Variants in ZPBP observed in about 807,000 individuals in gnomAD.
ZPBP encodes the protein zona pellucida-binding protein 1.
In ZPBP, 26 loss-of-function variants were observed where a neutral mutation model predicts 44.8. The ratio of observed to expected loss-of-function variants is 0.58; its 90% CI spans 0.43 to 0.81. The LOEUF (loss-of-function observed/expected upper bound fraction) is 0.81, where lower values mean the gene tolerates loss of function less well. Ranked by LOEUF, ZPBP falls within the 30% of genes least tolerant of loss-of-function variation. The probability of loss-of-function intolerance (pLI) is 0.00; values close to 1 mark genes in which losing one functional copy is unlikely to be tolerated. For missense variants in ZPBP, 409 were observed against 434.0 expected, an observed-to-expected ratio of 0.94 and a Z score of 0.51; for synonymous variants, 174 against 153.2, an observed-to-expected ratio of 1.14 and a Z score of -1.00.
intron 2 of ZPBP, among the ~76,000 whole-genome samples, chr7:49,871,285 C>T (rs896471076): frequency 1.6e-4 from 24 of 152,094 alleles, no homozygotes; most frequent in African/African-American, 5.6e-4. Flanking sequence ...TTTCATGGAC[C>T]TTTTGATCCA....
chr7:49,954,975 T>C (rs898185023), intron 7 of ZPBP, among the ~76,000 whole-genome samples: 8 of 152,178 alleles, frequency 5.3e-5, no homozygotes, highest in South Asian at 2.1e-4. Flanking sequence ...TGAATTGATA[T>C]AGAATATGTT....
At chr7:49,967,275 TTTC>T (rs1796100764) in intron 7 of ZPBP, among the ~76,000 whole-genome samples, 1 of 152,224 alleles carries the variant, frequency 6.6e-6, no homozygotes, top group African/African-American at 2.4e-5. Context: ...GACCCCTTTC[TTTC>T]TTCTAATTTC....
intron 2 of ZPBP, among the ~76,000 whole-genome samples, chr7:49,869,276 G>A (rs886275614): frequency 1.3e-5 from 2 of 152,132 alleles, no homozygotes; most frequent in Non-Finnish European, 2.9e-5. Context: ...AATACACAGT[G>A]AATGAATGGA....
intron 5 of ZPBP, among the ~76,000 whole-genome samples, chr7:50,028,669 A>C (rs1370089386): frequency 1.3e-5 from 2 of 152,122 alleles, no homozygotes; most frequent in Non-Finnish European, 2.9e-5. Flanking sequence ...AAAAAAAAAA[A>C]AACCCAGTGT....
At chr7:50,093,016 G>C in intron 1 of ZPBP, 52 bp downstream of exon 1, 1 of 1,571,476 alleles carries the variant, frequency 6.4e-7, no homozygotes, top group Non-Finnish European at 8.6e-7. Context: ...TCGAAGAGTG[G>C]GGGAAGCTGC....
At chr7:49,944,204 T>C (rs1339966366) in intron 7 of ZPBP, 7 of 353,260 alleles carry the variant, frequency 2.0e-5, no homozygotes, top group Admixed American at 1.0e-4. Context: ...TTCAAACTAT[T>C]TGATATTTGG....
intron 7 of ZPBP, among the ~76,000 whole-genome samples, chr7:49,959,921 T>C (rs1601035): frequency 0.78 from 118,331 of 152,174 alleles, 46,178 homozygotes; most frequent in East Asian, 0.89. Flanking sequence ...TAATTAAATG[T>C]ACAAAATTGC....
chr7:49,862,727 T>G (rs1790706467), intron 2 of ZPBP, among the ~76,000 whole-genome samples: 1 of 131,872 alleles, frequency 7.6e-6, no homozygotes, highest in African/African-American at 3.9e-5. Context: ...TGACCATGAG[T>G]TTTTTTTTTT....
chr7:50,018,267 G>C lies in ZPBP; in HGVS notation c.756C>G (p.Asn252Lys), dbSNP rs1159981994. 6 of 1,610,808 alleles carry C rather than the reference G, an allele frequency of 3.7e-6. No individual in the cohort carries two copies. In the Admixed American group the frequency reaches 5.0e-5, roughly 13 times the overall value. Residue 252 changes from asparagine to lysine, a missense_variant, in exon 6 of 8, where the codon AAC becomes AAG. Asn to Lys is a moderately conservative substitution (Grantham distance 94). Around this residue, in one of 2 missense-constraint regions of ZPBP, gnomAD observed 367 missense variants for 363.1 expected, o/e 1.01. Transcript: ENST00000046087. ...TAAAAAGTCTTTTGTAAGGTTCACA[G>C]TTATGGTCTGTACATCGCTTGGGTC... ...EKGPKRCTDH[N>K]CEPYKRLFKA...
At chr7:49,879,534 C>T (rs976538011) in intron 2 of ZPBP, among the ~76,000 whole-genome samples, 2 of 152,098 alleles carry the variant, frequency 1.3e-5, no homozygotes, top group Non-Finnish European at 2.9e-5. Context: ...AGCGTTAGTC[C>T]ATGGTAGGGC....
intron 2 of ZPBP, chr7:49,850,653 A>T (rs1354946486): frequency 6.6e-6 from 1 of 152,240 alleles, no homozygotes; most frequent in African/African-American, 2.4e-5. Flanking sequence ...GTTTGTGATT[A>T]GGAGATGTAA....
intron 6 of ZPBP, among the ~76,000 whole-genome samples, chr7:49,988,750 C>T (rs1164250326): frequency 6.6e-6 from 1 of 152,114 alleles, no homozygotes; most frequent in Non-Finnish European, 1.5e-5. Context: ...GAGATTGTGA[C>T]ATTGGAATAA....
At chr7:49,840,681 A>C in the ZPBP span, among the ~76,000 whole-genome samples, 2 of 152,210 alleles carry the variant, frequency 1.3e-5, no homozygotes, top group African/African-American at 4.8e-5. Flanking sequence ...AAATTGCTTC[A>C]GTGCAGCTTC....
intron 2 of ZPBP, among the ~76,000 whole-genome samples, chr7:49,856,031 T>C (rs1445993049): frequency 6.6e-6 from 1 of 152,186 alleles, no homozygotes; most frequent in Non-Finnish European, 1.5e-5. Context: ...CCCTGCTTAG[T>C]TCAGGTATAT....
At chr7:50,063,915 T>C (rs1411779310) in intron 3 of ZPBP, among the ~76,000 whole-genome samples, 2 of 152,220 alleles carry the variant, frequency 1.3e-5, no homozygotes, top group African/African-American at 4.8e-5. Context: ...GTTGAACACA[T>C]AGATTGGGGT....
intron 2 of ZPBP, among the ~76,000 whole-genome samples, chr7:49,895,950 T>A (rs1470368921): frequency 6.6e-6 from 1 of 152,222 alleles, no homozygotes; most frequent in Non-Finnish European, 1.5e-5. Context: ...TAATTCATAT[T>A]TTCATTCACC....
Position 50,089,616 on chromosome 7 carries a change from T to C in ZPBP, c.208+13A>G. On this transcript the variant is annotated intron_variant, in intron 2 of 7. Transcript: ENST00000046087. Reference sequence around the variant, plus strand: ...TAACTTTTAAAAATTAGTGAAAATATATTTATGAATACCTGGAAAACTTGT... The same window carrying C: ...TAACTTTTAAAAATTAGTGAAAATACATTTATGAATACCTGGAAAACTTGT... 1 of 1,580,334 alleles carries C rather than the reference T, an allele frequency of 6.3e-7. No homozygotes were observed. Among genetic ancestry groups the C allele is most frequent in the Non-Finnish European group, 8.7e-7 (1 of 1,153,946 alleles).
chr7:49,849,789 TC>T (rs546840724), downstream of ZPBP, among the ~76,000 whole-genome samples: 102 of 152,258 alleles, frequency 6.7e-4, no homozygotes, highest in African/African-American at 2.3e-3. Flanking sequence ...TAAAAGTGGC[TC>T]CTGCTCTAAC....
At chr7:49,900,079 C>G (rs1278906218) in intron 2 of ZPBP, among the ~76,000 whole-genome samples, 2 of 151,056 alleles carry the variant, frequency 1.3e-5, no homozygotes, top group Non-Finnish European at 3.0e-5. Context: ...ACACATGGAG[C>G]CTAGAAGTCT....
Sources: allele counts gnomAD v4.1 joint callset (sites outside exome capture counted in the v4.1 genomes callset), GRCh38; gene constraint gnomAD v4.1.1; regional missense constraint gnomAD v4.1.1; transcripts MANE v1.5; gene names NCBI Gene and HGNC (gene_info 2026-07-23, HGNC 2026-07-21).